GUCY1A2: variants seen among roughly 807,000 people sequenced by gnomAD.
The protein encoded by GUCY1A2 is guanylate cyclase 1 soluble subunit alpha 2, also known as guanylate cyclase soluble subunit alpha-2.
GUCY1A2 carries 27 observed loss-of-function variants against 63.5 expected under a neutral mutation model. The ratio of observed to expected loss-of-function variants is 0.43; its 90% confidence interval spans 0.31 to 0.59. The LOEUF (loss-of-function observed/expected upper bound fraction) is 0.59. Among genes scored for constraint, GUCY1A2 ranks in the 20% least tolerant of loss-of-function variants. The probability of loss-of-function intolerance (pLI) is 0.11; values close to 1 mark genes in which losing one functional copy is unlikely to be tolerated. For missense variants in GUCY1A2, 768 were observed against 913.3 expected (o/e 0.84, Z 2.05); for synonymous variants, 364 against 343.5 (o/e 1.06, Z -0.66).
chr11:106,878,003 C>T (rs1488322555), intron 4 of GUCY1A2, among the ~76,000 whole-genome samples: 1 of 151,714 alleles, frequency 6.6e-6, no homozygotes, highest in Non-Finnish European at 1.5e-5. Context: ...AAAAGGTATA[C>T]AAGCAGCTAA....
At chr11:106,804,847 C>T (rs1201271928) in intron 5 of GUCY1A2, among the ~76,000 whole-genome samples, 1 of 152,100 alleles carries the variant, frequency 6.6e-6, no homozygotes, top group East Asian at 1.9e-4. Context: ...TACTGATACC[C>T]ATATTTATAC....
chr11:106,857,670 A>G (rs960458169), intron 4 of GUCY1A2, among the ~76,000 whole-genome samples: 6 of 152,212 alleles, frequency 3.9e-5, no homozygotes, highest in East Asian at 1.9e-4. Flanking sequence ...GATTCAACCA[A>G]TTGTGAATTT....
At chr11:106,960,909 A>T (rs1861049899) in intron 3 of GUCY1A2, among the ~76,000 whole-genome samples, 1 of 152,082 alleles carries the variant, frequency 6.6e-6, no homozygotes, top group Admixed American at 6.6e-5. Flanking sequence ...CCACAATTTC[A>T]TGGAAAGGAG....
intron 1 of GUCY1A2, among the ~76,000 whole-genome samples, chr11:106,989,358 T>C (rs758427101): frequency 3.3e-5 from 5 of 152,202 alleles, no homozygotes; most frequent in Non-Finnish European, 5.9e-5. Context: ...CTTATTTTTT[T>C]TTTAGTTAAA....
At chr11:106,804,098 T>G (rs1858647104) in intron 5 of GUCY1A2, among the ~76,000 whole-genome samples, 1 of 152,226 alleles carries the variant, frequency 6.6e-6, no homozygotes, top group African/African-American at 2.4e-5. Flanking sequence ...CCATAACATT[T>G]TAAAGGTTCT....
chr11:107,014,713 T>C (rs1861796462), intron 1 of GUCY1A2, among the ~76,000 whole-genome samples: 1 of 152,140 alleles, frequency 6.6e-6, no homozygotes, highest in Admixed American at 6.5e-5. Context: ...TGCAAATCAT[T>C]CTGAATAAAG....
chr11:106,812,725 G>A (rs1195519511), intron 4 of GUCY1A2, among the ~76,000 whole-genome samples: 1 of 151,774 alleles, frequency 6.6e-6, no homozygotes, highest in African/African-American at 2.4e-5. Flanking sequence ...ATGTAAAATA[G>A]CAAATATGTC....
At chr11:107,017,725 G>T in intron 1 of GUCY1A2, 28 bp downstream of exon 1, 2 of 1,305,142 alleles carry the variant, frequency 1.5e-6, no homozygotes, top group Non-Finnish European at 2.0e-6. Flanking sequence ...TCCCCCGAAG[G>T]CGGTCCCCCC....
At chr11:106,718,905 A>G (rs1381216304) in intron 6 of GUCY1A2, among the ~76,000 whole-genome samples, 2 of 152,136 alleles carry the variant, frequency 1.3e-5, no homozygotes. Context: ...TTTTTTCTAT[A>G]ATTTGATTTT....
chr11:106,694,591 G>A (rs1016676352), intron 7 of GUCY1A2, among the ~76,000 whole-genome samples: 3 of 152,150 alleles, frequency 2.0e-5, no homozygotes, highest in African/African-American at 4.8e-5. Flanking sequence ...CCAGTTTTTA[G>A]CTTCCTAAGT....
At chr11:106,903,005 C>T (rs1860155697) in intron 4 of GUCY1A2, among the ~76,000 whole-genome samples, 1 of 152,118 alleles carries the variant, frequency 6.6e-6, no homozygotes, top group African/African-American at 2.4e-5. Context: ...CTATGTCTTG[C>T]AAAACTTTTC....
intron 4 of GUCY1A2, among the ~76,000 whole-genome samples, chr11:106,867,954 C>G (rs762395657): frequency 5.9e-5 from 9 of 151,880 alleles, no homozygotes; most frequent in Non-Finnish European, 1.0e-4. Flanking sequence ...ATGAGAATTG[C>G]CTCTCCCACC....
chr11:106,995,636 CTA>C (rs1321348985), intron 1 of GUCY1A2, among the ~76,000 whole-genome samples: 2 of 152,118 alleles, frequency 1.3e-5, no homozygotes, highest in Non-Finnish European at 2.9e-5. Flanking sequence ...TGAAATAAAA[CTA>C]TAAAGTATTA....
intron 5 of GUCY1A2, among the ~76,000 whole-genome samples, chr11:106,799,317 C>T (rs947599921): frequency 6.6e-6 from 1 of 152,176 alleles, no homozygotes; most frequent in Non-Finnish European, 1.5e-5. Context: ...AATGGCCATA[C>T]TGCCCGAGGT....
intron 4 of GUCY1A2, among the ~76,000 whole-genome samples, chr11:106,876,487 G>T (rs1405838201): frequency 6.6e-6 from 1 of 151,930 alleles, no homozygotes; most frequent in Non-Finnish European, 1.5e-5. Context: ...ACTATGCAAG[G>T]TACCACATCT....
intron 1 of GUCY1A2, among the ~76,000 whole-genome samples, chr11:106,987,213 G>C (rs973136618): frequency 6.6e-6 from 1 of 152,190 alleles, no homozygotes; most frequent in African/African-American, 2.4e-5. Context: ...CAAGATGTGA[G>C]GCAGCATGGT....
At chr11:106,971,233 G>C (rs1363473837) in intron 3 of GUCY1A2, among the ~76,000 whole-genome samples, 1 of 151,758 alleles carries the variant, frequency 6.6e-6, no homozygotes, top group Non-Finnish European at 1.5e-5. Flanking sequence ...GTGTGTGTGT[G>C]TGTGTGTGTG....
intron 5 of GUCY1A2, among the ~76,000 whole-genome samples, chr11:106,804,825 T>C (rs891583046): frequency 6.6e-6 from 1 of 152,198 alleles, no homozygotes; most frequent in Non-Finnish European, 1.5e-5. Context: ...TCTGCTTCTT[T>C]ATCAAAGTTT....
chr11:106,903,337 T>A (rs1316749328), intron 4 of GUCY1A2, among the ~76,000 whole-genome samples: 1 of 152,226 alleles, frequency 6.6e-6, no homozygotes, highest in African/African-American at 2.4e-5. Flanking sequence ...CTATCTTGAT[T>A]CAATTTACTT....
Sources: allele counts gnomAD v4.1 joint callset (sites outside exome capture counted in the v4.1 genomes callset), GRCh38; gene constraint gnomAD v4.1.1; transcripts MANE v1.5; gene names NCBI Gene and HGNC (gene_info 2026-07-23, HGNC 2026-07-21).